The following LYPD6 variants were observed in gnomAD, a reference collection of about 807,000 sequenced individuals.
LYPD6 encodes LY6/PLAUR domain containing 6, also known as ly6/PLAUR domain-containing protein 6.
A neutral mutation model predicts 22.7 loss-of-function variants in LYPD6; 15 were observed. The ratio of observed to expected loss-of-function variants is 0.66; its 90% CI spans 0.44 to 1.02. The LOEUF is 1.02. LYPD6 is among the 50% of genes least tolerant of loss of function. The pLI is 0.00. For missense variants in LYPD6, 189 were observed against 208.4 expected, an observed-to-expected ratio of 0.91 and a Z score of 0.57; for synonymous variants, 72 against 77.5, an observed-to-expected ratio of 0.93 and a Z score of 0.37.
chr2:149,411,257 T>C (rs973585758), intron 1 of LYPD6, among the ~76,000 whole-genome samples: 5 of 152,144 alleles, frequency 3.3e-5, no homozygotes, highest in African/African-American at 1.2e-4. Flanking sequence ...GTTTTCAGTG[T>C]CTTGCATAAC....
intron 1 of LYPD6, among the ~76,000 whole-genome samples, chr2:149,348,196 A>G (rs1350688616): frequency 1.3e-5 from 2 of 152,226 alleles, no homozygotes; most frequent in Non-Finnish European, 2.9e-5. Flanking sequence ...TGGAAATACA[A>G]TAATAAATGA....
At chr2:149,478,510 G>A (rs999562646), downstream of LYPD6, among the ~76,000 whole-genome samples, 4 of 151,924 alleles carry the variant, frequency 2.6e-5, no homozygotes, top group African/African-American at 4.8e-5. Context: ...TGCAGCCTCC[G>A]ATTCCTGGGC....
the LYPD6 span, among the ~76,000 whole-genome samples, chr2:149,480,224 G>T: frequency 6.6e-6 from 1 of 152,110 alleles, no homozygotes; most frequent in Non-Finnish European, 1.5e-5. Context: ...TAGTCAGGCT[G>T]GTCTCAAACT....
intron 1 of LYPD6, among the ~76,000 whole-genome samples, chr2:149,402,889 C>A (rs1173991770): frequency 7.3e-6 from 1 of 137,290 alleles, no homozygotes; most frequent in Non-Finnish European, 1.6e-5. Context: ...CCTCCCCCAA[C>A]CGCACAACAG....
In LYPD6 at chr2:149,336,901, T is replaced by C. The variant is rs544613318; in HGVS notation, c.-72+6179T>C. Among the ~76,000 whole-genome samples, 6 of 150,480 alleles carry C rather than the reference T, an allele frequency of 4.0e-5. No individual in the cohort carries two copies. In the East Asian group the frequency reaches 9.7e-4, roughly 24 times the overall value. ...CTTTTTCTCCCCTCTGAATTCCCCA[T>C]GTAAAAAGGGCAGCATGTTGAAATA... is the stretch of plus-strand genomic sequence containing the variant. On this transcript the variant is annotated intron_variant, in intron 1 of 4. Coordinates refer to ENST00000334166, the MANE Select transcript of LYPD6 (RefSeq NM_194317.5).
rs370165554 is a variant in LYPD6, at chr2:149,343,638, G to A, written c.-72+12916G>A. Among the ~76,000 whole-genome samples, 52 of 152,314 alleles carry A rather than the reference G, an allele frequency of 3.4e-4. 1 individual carries two copies. The South Asian group carries it at 0.01, about 30-fold the overall frequency. Reference sequence around the variant, plus strand: ...GTCCAAGCAAGGGGACTGAGATGGGGAAATAGAGGAGGTAACTTTTTCCTT... The same window carrying A: ...GTCCAAGCAAGGGGACTGAGATGGGAAAATAGAGGAGGTAACTTTTTCCTT... On this transcript the variant is annotated intron_variant, in intron 1 of 4. Transcript: ENST00000334166.
intron 1 of LYPD6, among the ~76,000 whole-genome samples, chr2:149,404,900 TA>T (rs1285752222): frequency 1.3e-5 from 2 of 152,190 alleles, no homozygotes; most frequent in East Asian, 1.9e-4. Flanking sequence ...TATTTTGAGA[TA>T]CATCCCATCA....
chr2:149,377,776 TCC>T (rs1477609355), intron 1 of LYPD6, among the ~76,000 whole-genome samples: 1 of 61,978 alleles, frequency 1.6e-5, no homozygotes, highest in African/African-American at 7.7e-5. Context: ...CGAGACTTTG[TCC>T]CCACCCCCCC....
intron 1 of LYPD6, among the ~76,000 whole-genome samples, chr2:149,427,707 A>G (rs566511687): frequency 6.6e-6 from 1 of 152,346 alleles, no homozygotes; most frequent in South Asian, 2.1e-4. Context: ...TATAATGGCT[A>G]TACTCAATAG....
chr2:149,336,928 C>CTTGTGTGTGTGTGTGT (rs59618488), intron 1 of LYPD6, among the ~76,000 whole-genome samples: 13 of 148,448 alleles, frequency 8.8e-5, no homozygotes, highest in Non-Finnish European at 9.0e-5. Flanking sequence ...GTTGAAATAA[C>CTTGTGTGTGTGTGTGT]GTGTGTGTGT....
intron 1 of LYPD6, among the ~76,000 whole-genome samples, chr2:149,423,446 C>T (rs1683123917): frequency 6.6e-6 from 1 of 152,000 alleles, no homozygotes; most frequent in Non-Finnish European, 1.5e-5. Context: ...TTTTAACCAC[C>T]CTGTACATTG....
At chr2:149,430,161 G>C (rs757053906) in intron 1 of LYPD6, among the ~76,000 whole-genome samples, 1 of 152,164 alleles carries the variant, frequency 6.6e-6, no homozygotes, top group Admixed American at 6.5e-5. Flanking sequence ...GTGCGTTGGC[G>C]TGATCTCGGC....
intron 1 of LYPD6, among the ~76,000 whole-genome samples, chr2:149,347,236 T>C (rs1445364124): frequency 6.6e-6 from 1 of 152,108 alleles, no homozygotes; most frequent in Non-Finnish European, 1.5e-5. Context: ...CTATGTCTCA[T>C]TAAGAGCACT....
Position 149,437,658 on chromosome 2 carries a change from C to A in LYPD6, c.-51C>A, listed in dbSNP as rs1392118425. The A allele has an allele frequency of 1.2e-6, 2 of 1,605,926 alleles. No individual in the cohort carries two copies. Among genetic ancestry groups the A allele is most frequent in the Non-Finnish European group, 1.7e-6 (2 of 1,175,072 alleles). On this transcript the variant is annotated 5_prime_UTR_variant, in exon 2 of 5. It introduces an in-frame stop codon into an upstream open reading frame of the 5' UTR. Transcript: ENST00000334166. ...TTCAGGTGCAAGTTCTCTCCTGTTGCCCTGAGTGCCCACTCCCAGGCCCTC... is the reference window on the plus strand; with the variant it reads ...TTCAGGTGCAAGTTCTCTCCTGTTGACCTGAGTGCCCACTCCCAGGCCCTC...
At chr2:149,340,124 T>C (rs2105048046) in intron 1 of LYPD6, among the ~76,000 whole-genome samples, 1 of 152,318 alleles carries the variant, frequency 6.6e-6, no homozygotes, top group East Asian at 1.9e-4. Context: ...TAAATAACAA[T>C]GCAGTTAGTG....
At chr2:149,407,522 C>T (rs921726902) in intron 1 of LYPD6, among the ~76,000 whole-genome samples, 3 of 152,206 alleles carry the variant, frequency 2.0e-5, no homozygotes, top group Non-Finnish European at 4.4e-5. Flanking sequence ...CAGTTGATCG[C>T]GTCGGCTCCT....
chr2:149,405,075 A>G (rs375568841), intron 1 of LYPD6, among the ~76,000 whole-genome samples: 7 of 152,202 alleles, frequency 4.6e-5, no homozygotes, highest in East Asian at 1.9e-4. Context: ...TGCATCCCAG[A>G]GATGAAGCCC....
In LYPD6 at chr2:149,438,155, A is replaced by G. The variant is rs1230079906; in HGVS notation, c.118+329A>G. Among the ~76,000 whole-genome samples, 13 of 152,346 alleles carry G rather than the reference A, an allele frequency of 8.5e-5. No homozygotes were observed. The South Asian group carries it at 2.7e-3, about 32-fold the overall frequency. The stretch of plus-strand genomic sequence containing the variant: ...ATATCCCAGAAGGAGGATTGTTTGT[A>G]AAAGATCAATCCTTTATACGTAAGA... On this transcript the variant is annotated intron_variant, in intron 2 of 4. Transcript: ENST00000334166.
chr2:149,438,825 T>A (rs1203345523), intron 2 of LYPD6, among the ~76,000 whole-genome samples: 1 of 152,208 alleles, frequency 6.6e-6, no homozygotes, highest in South Asian at 2.1e-4. Flanking sequence ...GGGCTTGGAG[T>A]CCACCTGACC....
Sources: allele counts gnomAD v4.1 joint callset (sites outside exome capture counted in the v4.1 genomes callset), GRCh38; gene constraint gnomAD v4.1.1; transcripts MANE v1.5; gene names NCBI Gene and HGNC (gene_info 2026-07-23, HGNC 2026-07-21).